UNC50: variants seen among roughly 807,000 people sequenced by gnomAD.
UNC50 encodes unc-50 inner nuclear membrane RNA binding protein.
In UNC50, 24 loss-of-function variants were observed where a neutral mutation model predicts 31.5. The ratio of observed to expected loss-of-function variants is 0.76; its 90% CI spans 0.55 to 1.07. The LOEUF (loss-of-function observed/expected upper bound fraction) is 1.07, where lower values mean the gene tolerates loss of function less well. Among genes scored for constraint, UNC50 ranks in the 50% least tolerant of loss-of-function variants. The pLI is 0.00. For synonymous variants in UNC50, 118 were observed against 114.7 expected (o/e 1.03, Z -0.18); for missense variants, 245 against 304.2 (o/e 0.81, Z 1.45).
intron 3 of UNC50, 67 bp downstream of exon 3, chr2:98,610,962 C>A: frequency 6.6e-7 from 1 of 1,507,414 alleles, no homozygotes; most frequent in African/African-American, 1.4e-5. Flanking sequence ...TTCAGAGGTA[C>A]AATAGCAGCA....
At chr2:98,613,546 A>C (rs1311816826) in intron 3 of UNC50, among the ~76,000 whole-genome samples, 1 of 152,190 alleles carries the variant, frequency 6.6e-6, no homozygotes, top group Non-Finnish European at 1.5e-5. Flanking sequence ...GGAAATGCCA[A>C]ATGCTTATAA....
At position 98,610,857 on chromosome 2, in the gene UNC50, T is replaced by C. The variant is rs771147113; in HGVS notation, c.363T>C (p.Asp121=). 1 of 1,614,160 alleles carries C rather than the reference T, an allele frequency of 6.2e-7. No homozygotes were observed. The highest frequency in any genetic ancestry group is 8.5e-7 in the Non-Finnish European group (1 of 1,179,994). ...TTCTCCTTTGGGTTGTACTCATAGA[T>C]TGTGTAGGCGTTGGTCTTCTGATAG... The part of the protein sequence containing the change: ...IKLLLWVVLI[D]CVGVGLLIAT... Residue 121 remains aspartate (D), a synonymous_variant, in exon 3 of 6, where the codon GAT becomes GAC. Coordinates refer to ENST00000357765, the MANE Select transcript of UNC50 (RefSeq NM_014044.7).
At chr2:98,615,423 C>G (rs1033732774) in intron 3 of UNC50, among the ~76,000 whole-genome samples, 3 of 152,236 alleles carry the variant, frequency 2.0e-5, no homozygotes, top group African/African-American at 7.2e-5. Context: ...AACCACTCTT[C>G]CCACAGCCAG....
intron 3 of UNC50, among the ~76,000 whole-genome samples, chr2:98,611,792 G>C (rs1211600792): frequency 1.3e-5 from 2 of 152,118 alleles, no homozygotes; most frequent in Non-Finnish European, 2.9e-5. Flanking sequence ...ACCACTTCTT[G>C]ATATTCATTG....
Position 98,616,007 on chromosome 2 carries a change from C to T in UNC50, c.402-200C>T, listed in dbSNP as rs181686890. On this transcript the variant is annotated intron_variant, in intron 3 of 5. Coordinates refer to ENST00000357765, the MANE Select transcript of UNC50 (RefSeq NM_014044.7). ...AGTTTGTATTCTCCACATTTCTCTGCTGCTTTCTCTCTTTCCATAATACCA... is the reference window on the plus strand; with the variant it reads ...AGTTTGTATTCTCCACATTTCTCTGTTGCTTTCTCTCTTTCCATAATACCA... 1.7e-4 allele frequency among the ~76,000 whole-genome samples: 26 copies of T among 152,314 alleles called. No individual in the cohort carries two copies. In the East Asian group the frequency reaches 5.0e-3, roughly 29 times the overall value.
intron 1 of UNC50, chr2:98,609,119 A>C (rs1300450916): frequency 6.5e-6 from 1 of 153,896 alleles, no homozygotes; most frequent in Non-Finnish European, 1.4e-5. Flanking sequence ...GGGGCCTGCG[A>C]AGTGGAGGGG....
chr2:98,610,850 T>A lies in UNC50; in HGVS notation c.356T>A (p.Leu119His). The change falls in exon 3 of 6, where the codon CTC (leucine) becomes CAC (histidine). Residue 119 changes from leucine to histidine, a missense_variant. Leu to His is a moderately conservative substitution (Grantham distance 99). Transcript: ENST00000357765. ...ETIKLLLWVV[L>H]IDCVGVGLLI... is the part of the protein sequence containing the mutation. ...ATAAAGCTTCTCCTTTGGGTTGTAC[T>A]CATAGATTGTGTAGGCGTTGGTCTT... 1 of 1,614,206 alleles carries A rather than the reference T, an allele frequency of 6.2e-7. No homozygotes were observed. Among genetic ancestry groups the A allele is most frequent in the Non-Finnish European group, 8.5e-7 (1 of 1,180,010 alleles).
At chr2:98,617,709 CA>C (rs1700953846) in intron 5 of UNC50, among the ~76,000 whole-genome samples, 3 of 152,218 alleles carry the variant, frequency 2.0e-5, no homozygotes, top group African/African-American at 7.2e-5. Context: ...GTTGAGCTCA[CA>C]CCCTCTTAAA....
At position 98,610,031 on chromosome 2, in the gene UNC50, G is replaced by A; in HGVS notation, c.272G>A (p.Trp91Ter). The change falls in exon 2 of 6, where the codon TGG (tryptophan) becomes TAG (stop). Residue 91 changes from tryptophan to a stop codon, truncating the protein, a stop_gained. Transcript: ENST00000357765. LOFTEE classifies it high-confidence loss of function. ...DPAFLVLLSIWLCVSTIGFGF... is the reference protein window; with the variant it reads ...DPAFLVLLSI ...GCTTTCTTGGTCCTGTTAAGTATCTGGCTCTGTGGTAAGTGTGTTTATCTG... is the reference window on the plus strand; with the variant it reads ...GCTTTCTTGGTCCTGTTAAGTATCTAGCTCTGTGGTAAGTGTGTTTATCTG... The A allele has an allele frequency of 6.2e-7, 1 of 1,612,178 alleles. No homozygotes were observed. The highest frequency in any genetic ancestry group is 8.5e-7 in the Non-Finnish European group (1 of 1,178,484).
chr2:98,612,370 T>C (rs1700848553), intron 3 of UNC50, among the ~76,000 whole-genome samples: 1 of 152,194 alleles, frequency 6.6e-6, no homozygotes, highest in South Asian at 2.1e-4. Context: ...GTTACTAATA[T>C]TTTAAGCAAA....
In UNC50 at chr2:98,609,734, G is replaced by T. The variant is rs750097364; in HGVS notation, c.-4-22G>T. On this transcript the variant is annotated intron_variant, in intron 1 of 5. Transcript: ENST00000357765. ...ATGTTTCTTCAGAATACGTGTAAAAGAAATGTTTTTCTTCCATCTAGGAAG... is the reference window on the plus strand; with the variant it reads ...ATGTTTCTTCAGAATACGTGTAAAATAAATGTTTTTCTTCCATCTAGGAAG... 6 of 1,613,712 alleles carry T rather than the reference G, an allele frequency of 3.7e-6. No homozygotes were observed. In the African/African-American group the frequency reaches 4.0e-5, roughly 11 times the overall value.
At position 98,616,533 on chromosome 2, in the gene UNC50, GGTAA is replaced by G. The variant is rs754369398; in HGVS notation, c.643+5_643+8del. Reference sequence around the variant, plus strand: ...CTATGTAACTTTCCTGGGATACAGTGGTAAGTAATTTTTTTAAATGTTTTTGGTT... The same window carrying G: ...CTATGTAACTTTCCTGGGATACAGTGGTAATTTTTTTAAATGTTTTTGGTT... On this transcript the variant is annotated splice_donor_variant and splice_donor_region_variant and intron_variant, in intron 5 of 5. Coordinates refer to ENST00000357765, the MANE Select transcript of UNC50 (RefSeq NM_014044.7). LOFTEE classifies it high-confidence loss of function. 30 of 1,610,590 alleles carry G rather than the reference GGTAA, an allele frequency of 1.9e-5. No individual in the cohort carries two copies. The highest frequency in any genetic ancestry group is 2.3e-5 in the Non-Finnish European group (27 of 1,177,694).
rs17034353 is a variant in UNC50, at chr2:98,618,327, G to A, written c.*23G>A. The stretch of plus-strand genomic sequence containing the variant: ...TAAAAAGTGAGAAGAAGATTCAATC[G>A]TAACTGTGTCAACAGTATTGTGAAG... On this transcript the variant is annotated 3_prime_UTR_variant, in exon 6 of 6. Transcript: ENST00000357765. 2,301 of 1,585,476 alleles carry A rather than the reference G, an allele frequency of 1.5e-3. 30 individuals carry two copies. In the African/African-American group the frequency reaches 0.027, roughly 18 times the overall value.
At chr2:98,612,209 C>T (rs1016000400) in intron 3 of UNC50, among the ~76,000 whole-genome samples, 15 of 152,110 alleles carry the variant, frequency 9.9e-5, no homozygotes, top group South Asian at 2.1e-4. Flanking sequence ...TGCAGAGAGA[C>T]CTGGGTTCAA....
In UNC50 at chr2:98,616,233, A is replaced by G. The variant is rs1212174592; in HGVS notation, c.428A>G (p.Lys143Arg). 1.2e-6 allele frequency: 2 copies of G among 1,612,918 alleles called. No individual in the cohort carries two copies. Among genetic ancestry groups the G allele is most frequent in the South Asian group, 1.1e-5 (1 of 90,612 alleles). ...MWFISNKYLV[K>R]RQSRDYDVEW... ...TTCATCTCTAACAAGTATTTAGTGA[A>G]ACGACAGAGCAGAGACTATGATGTG... Residue 143 changes from lysine (K) to arginine (R), a missense_variant, in exon 4 of 6, where the codon AAA becomes AGA. By Grantham distance (26) the Lys-to-Arg change is conservative. Coordinates refer to ENST00000357765, the MANE Select transcript of UNC50 (RefSeq NM_014044.7).
chr2:98,618,243 T>C lies in UNC50; in HGVS notation c.719T>C (p.Leu240Pro). ...CTGATTCTGCTCTACGGGCTTTCCC[T>C]GGCACTGGGATGGAACTTCACCCAT... ...APLILLYGLS[L>P]ALGWNFTHTL... Residue 240 changes from leucine to proline, a missense_variant, in exon 6 of 6, where the codon CTG (leucine) becomes CCG (proline). Physicochemically the swap from Leu to Pro is moderately conservative, Grantham distance 98. Coordinates refer to ENST00000357765, the MANE Select transcript of UNC50 (RefSeq NM_014044.7). 6.2e-7 allele frequency: 1 copy of C among 1,612,828 alleles called. No homozygotes were observed.
intron 1 of UNC50, 198 bp from the exon 2 acceptor site, chr2:98,609,558 C>G (rs3203856): frequency 4.1e-6 from 3 of 726,962 alleles, no homozygotes; most frequent in African/African-American, 1.8e-5. Context: ...TTGCCCTTGC[C>G]TGAGGTTGCA....
chr2:98,616,637 T>C (rs1249247967), intron 5 of UNC50, 104 bp downstream of exon 5: 1 of 816,692 alleles, frequency 1.2e-6, no homozygotes, highest in East Asian at 2.5e-5. Context: ...ACAGGCACTA[T>C]CCTAAGTATT....
At chr2:98,614,193 G>T (rs1312750403) in intron 3 of UNC50, among the ~76,000 whole-genome samples, 1 of 152,240 alleles carries the variant, frequency 6.6e-6, no homozygotes, top group Non-Finnish European at 1.5e-5. Flanking sequence ...AGTTGGAGTA[G>T]TGAGTGGGCA....
Sources: allele counts gnomAD v4.1 joint callset (sites outside exome capture counted in the v4.1 genomes callset), GRCh38; gene constraint gnomAD v4.1.1; transcripts MANE v1.5; gene names NCBI Gene and HGNC (gene_info 2026-07-23, HGNC 2026-07-21).